CNTN1: variants seen among roughly 807,000 people sequenced by gnomAD.
CNTN1 encodes contactin 1, also known as contactin-1.
Under a neutral mutation model 126.4 loss-of-function variants are expected in CNTN1, and 38 were observed. The ratio of observed to expected loss-of-function variants is 0.30; its 90% confidence interval spans 0.23 to 0.39. The LOEUF (loss-of-function observed/expected upper bound fraction) is 0.39, where lower values mean the gene tolerates loss of function less well. Ranked by LOEUF, CNTN1 falls within the 10% of genes least tolerant of loss-of-function variation. CNTN1 has a pLI of 1.00. For synonymous variants in CNTN1, 413 were observed against 422.6 expected (o/e 0.98, Z 0.28); for missense variants, 1,009 against 1,248.4 (o/e 0.81, Z 2.89).
At chr12:40,725,904 C>A (rs1592016587) in intron 1 of CNTN1, among the ~76,000 whole-genome samples, 1 of 150,108 alleles carries the variant, frequency 6.7e-6, no homozygotes. Context: ...GTTTAGTAGG[C>A]ATTCAATTAA....
At chr12:40,859,371 A>C (rs1397437711) in intron 1 of CNTN1, among the ~76,000 whole-genome samples, 1 of 152,126 alleles carries the variant, frequency 6.6e-6, no homozygotes, top group East Asian at 1.9e-4. Context: ...CACTAATGTA[A>C]GATGTAGGAT....
chr12:40,827,253 C>A (rs1941644472), intron 1 of CNTN1, among the ~76,000 whole-genome samples: 1 of 151,644 alleles, frequency 6.6e-6, no homozygotes, highest in African/African-American at 2.4e-5. Context: ...GCTCTCAGAA[C>A]CACTGACACA....
intron 15 of CNTN1, chr12:40,972,012 A>G (rs1430452759): frequency 4.1e-6 from 4 of 987,090 alleles, no homozygotes; most frequent in Non-Finnish European, 4.8e-6. Flanking sequence ...TCCTAGTACC[A>G]TACATATTCT....
intron 1 of CNTN1, among the ~76,000 whole-genome samples, chr12:40,845,575 C>T (rs1159659944): frequency 6.8e-6 from 1 of 146,830 alleles, no homozygotes. Context: ...AATAAAGCTC[C>T]TAGATAGCCT....
chr12:40,992,881 T>C (rs1948126860), intron 16 of CNTN1, among the ~76,000 whole-genome samples: 1 of 152,204 alleles, frequency 6.6e-6, no homozygotes, highest in Non-Finnish European at 1.5e-5. Context: ...GCAGACTCCC[T>C]GCCTCAAACT....
chr12:40,867,475 C>G (rs1828184172), intron 1 of CNTN1, among the ~76,000 whole-genome samples: 2 of 152,086 alleles, frequency 1.3e-5, no homozygotes, highest in Admixed American at 1.3e-4. Flanking sequence ...ATTTGAAAAT[C>G]TCTAAGAGTC....
rs537368565 is a variant in CNTN1, at chr12:41,048,390, C to T, written c.2980+19171C>T. Among the ~76,000 whole-genome samples the T allele has an allele frequency of 2.6e-5, 4 of 152,182 alleles. No homozygotes were observed. In the East Asian group the frequency reaches 7.7e-4, roughly 29 times the overall value. ...TCTCTTTAGTCAATGACCTTGCTTC[C>T]TATTTCTCTGAGAAATAAAAGCAAT... On this transcript the variant is annotated intron_variant, in intron 23 of 23. Coordinates refer to ENST00000551295, the MANE Select transcript of CNTN1 (RefSeq NM_001843.4).
At chr12:40,980,413 C>T in intron 15 of CNTN1, among the ~76,000 whole-genome samples, 1 of 147,118 alleles carries the variant, frequency 6.8e-6, no homozygotes, top group Non-Finnish European at 1.5e-5. Context: ...ATCCCCACTG[C>T]ACTCCAGCCT....
chr12:40,996,915 G>C (rs191204884), intron 17 of CNTN1, among the ~76,000 whole-genome samples: 191 of 152,292 alleles, frequency 1.3e-3, no homozygotes, highest in African/African-American at 4.1e-3. Context: ...AGAGATGCCA[G>C]CATATGCTAT....
At chr12:41,009,682 A>G (rs546884809) in intron 17 of CNTN1, among the ~76,000 whole-genome samples, 1 of 152,292 alleles carries the variant, frequency 6.6e-6, no homozygotes, top group South Asian at 2.1e-4. Flanking sequence ...GGTTTTGAAG[A>G]GGCCCTGCAT....
In CNTN1 at chr12:40,914,915, A is replaced by AC. The variant is rs5797692; in HGVS notation, c.95-3721dup. On this transcript the variant is annotated intron_variant, in intron 3 of 23. Coordinates refer to ENST00000551295, the MANE Select transcript of CNTN1 (RefSeq NM_001843.4). ...TGCTCATTCCTTATATATAGGAATA[A>AC]CCCTATATACACACTCAGTATAACT... Among the ~76,000 whole-genome samples, 261 of 152,238 alleles carry AC rather than the reference A, an allele frequency of 1.7e-3. 2 individuals carry two copies. Among genetic ancestry groups the AC allele is most frequent in the Non-Finnish European group, 2.6e-3 (178 of 67,992 alleles).
intron 23 of CNTN1, among the ~76,000 whole-genome samples, chr12:41,029,809 TTTTCTC>T (rs1490463991): frequency 1.3e-5 from 2 of 152,124 alleles, no homozygotes; most frequent in Non-Finnish European, 2.9e-5. Context: ...CCCCTTTGTC[TTTTCTC>T]TTTCTCTATC....
rs1941783248 is a variant in CNTN1 at position 40,830,755 on chromosome 12, CTCTA to C, written c.-76-77600_-76-77597del. On this transcript the variant is annotated intron_variant, in intron 1 of 23. Coordinates refer to ENST00000551295, the MANE Select transcript of CNTN1 (RefSeq NM_001843.4). ...TTGTAATAAATTGAAGTAGAAATCTCTCTATATATATTGAGAGAGAGGGAGAAAG... is the reference window on the plus strand; with the variant it reads ...TTGTAATAAATTGAAGTAGAAATCTCTATATATTGAGAGAGAGGGAGAAAG... Among the ~76,000 whole-genome samples, 5 of 137,606 alleles carry C rather than the reference CTCTA, an allele frequency of 3.6e-5. No individual in the cohort carries two copies. In the South Asian group the frequency reaches 1.2e-3, roughly 32 times the overall value. The allele number at this position is 137,606 out of a possible 152,430, so 90.3% of individuals were successfully genotyped here. A position where few individuals can be genotyped will look rare whatever the true frequency, so the allele number is the denominator to read the frequency against.
chr12:40,800,646 C>A (rs980977543), intron 1 of CNTN1, among the ~76,000 whole-genome samples: 1 of 151,844 alleles, frequency 6.6e-6, no homozygotes, highest in African/African-American at 2.4e-5. Context: ...ACCCTGGAAA[C>A]AAAAAGTTAG....
intron 1 of CNTN1, among the ~76,000 whole-genome samples, chr12:40,810,507 C>T (rs894250573): frequency 4.6e-5 from 7 of 152,182 alleles, no homozygotes; most frequent in Non-Finnish European, 7.4e-5. Context: ...ACAACTGCCA[C>T]GTTTGTACCC....
intron 1 of CNTN1, among the ~76,000 whole-genome samples, chr12:40,757,254 G>GT (rs1043732547): frequency 2.1e-5 from 3 of 146,134 alleles, no homozygotes; most frequent in African/African-American, 7.6e-5. Flanking sequence ...ATGCCATCAC[G>GT]TTAGGGGTGA....
chr12:40,849,793 CCAAA>C (rs1317418682), intron 1 of CNTN1, among the ~76,000 whole-genome samples: 1 of 151,776 alleles, frequency 6.6e-6, no homozygotes, highest in Non-Finnish European at 1.5e-5. Context: ...GCAGCCAAAG[CCAAA>C]CAAATTCAAA....
chr12:40,697,356 G>A (rs1941476081), intron 1 of CNTN1, among the ~76,000 whole-genome samples: 1 of 152,006 alleles, frequency 6.6e-6, no homozygotes, highest in African/African-American at 2.4e-5. Flanking sequence ...TATGATTTTG[G>A]ATGAGTTCAA....
At chr12:41,052,503 C>T (rs1006489779) in intron 23 of CNTN1, among the ~76,000 whole-genome samples, 1 of 152,118 alleles carries the variant, frequency 6.6e-6, no homozygotes, top group Admixed American at 6.5e-5. Flanking sequence ...TTTGGTATTA[C>T]CTCTTATTTT....
Sources: allele counts gnomAD v4.1 joint callset (sites outside exome capture counted in the v4.1 genomes callset), GRCh38; gene constraint gnomAD v4.1.1; transcripts MANE v1.5; gene names NCBI Gene and HGNC (gene_info 2026-07-23, HGNC 2026-07-21).